The following RNF150 variants were observed in gnomAD, a reference collection of about 807,000 sequenced individuals.
RNF150 encodes ring finger protein 150.
RNF150 carries 24 observed loss-of-function variants against 39.3 expected under a neutral mutation model. The ratio of observed to expected loss-of-function variants is 0.61; its 90% CI spans 0.44 to 0.86. RNF150 has a LOEUF of 0.86. Among genes scored for constraint, RNF150 ranks in the 40% least tolerant of loss-of-function variants. The pLI is 0.00. For missense variants in RNF150, 502 were observed against 587.8 expected (o/e 0.85, Z 1.51); for synonymous variants, 255 against 227.3 (o/e 1.12, Z -1.10).
chr4:141,055,013 G>A (rs1736915335), intron 1 of RNF150, among the ~76,000 whole-genome samples: 1 of 152,098 alleles, frequency 6.6e-6, no homozygotes, highest in Non-Finnish European at 1.5e-5. Flanking sequence ...TATTATTGAG[G>A]AGCACAATTA....
At chr4:140,940,880 C>G (rs778251507) in intron 4 of RNF150, among the ~76,000 whole-genome samples, 1 of 152,160 alleles carries the variant, frequency 6.6e-6, no homozygotes, top group Non-Finnish European at 1.5e-5. Flanking sequence ...ATGGAGCAGC[C>G]ATTTTGCTGT....
intron 1 of RNF150, among the ~76,000 whole-genome samples, chr4:141,148,775 CT>C (rs1352977545): frequency 1.3e-5 from 2 of 152,022 alleles, no homozygotes; most frequent in East Asian, 1.9e-4. Context: ...GTCCCTGTTT[CT>C]TTTTTTTCCA....
chr4:140,976,068 T>C (rs1254775978), intron 1 of RNF150, among the ~76,000 whole-genome samples: 1 of 152,200 alleles, frequency 6.6e-6, no homozygotes, highest in African/African-American at 2.4e-5. Flanking sequence ...ACCTTCTTGC[T>C]TTGATTGGTT....
rs1726931333 is a variant in RNF150, at chr4:141,132,659, C to A, written c.150G>T (p.Glu50Asp). The A allele has an allele frequency of 6.2e-7, 1 of 1,603,484 alleles. No homozygotes were observed. The highest frequency in any genetic ancestry group is 8.5e-7 in the Non-Finnish European group (1 of 1,176,108). The part of the protein sequence containing the change: ...YTAFVNITYA[E>D]PAPDPGAGAA... ...CCCCGGCCCCGGGGTCCGGCGCGGG[C>A]TCGGCGTAGGTGATGTTCACGAAGG... Residue 50 changes from glutamate (E) to aspartate (D), a missense_variant, in exon 1 of 7, where the codon GAG becomes GAT. Coordinates refer to ENST00000515673, the MANE Select transcript of RNF150 (RefSeq NM_020724.2). This position sits in a 1 kb window ranked among gnomAD's most constrained non-coding sequence, Gnocchi z 4.9.
intron 1 of RNF150, among the ~76,000 whole-genome samples, chr4:141,109,362 A>G (rs781469559): frequency 6.6e-6 from 1 of 152,004 alleles, no homozygotes; most frequent in Non-Finnish European, 1.5e-5. Context: ...TGTTCTTTGT[A>G]TTAGTTGGTA....
rs556195690 is a variant in RNF150, at chr4:140,901,930, CT to C, written c.1198+9213del. Among the ~76,000 whole-genome samples the C allele has an allele frequency of 5.1e-3, 783 of 152,242 alleles. 7 individuals carry two copies. The highest frequency in any genetic ancestry group is 0.018 in the African/African-American group (742 of 41,540). On this transcript the variant is annotated intron_variant, in intron 6 of 6. Transcript: ENST00000515673. ...GAACCACAAGTGGCTTAAAATGCTT[CT>C]GTGTAAAGAGCCAGATGGGAGTGGG...
At chr4:141,142,172 T>C (rs936332515) in intron 1 of RNF150, among the ~76,000 whole-genome samples, 2 of 152,156 alleles carry the variant, frequency 1.3e-5, no homozygotes, top group Admixed American at 6.5e-5. Flanking sequence ...AGATTTTCTT[T>C]AGAAAAGGAA....
intron 2 of RNF150, among the ~76,000 whole-genome samples, chr4:140,960,898 C>G (rs951537718): frequency 2.0e-5 from 3 of 152,136 alleles, no homozygotes; most frequent in Admixed American, 6.6e-5. Context: ...TAACAACCCT[C>G]TAATAATATG....
chr4:141,175,106 T>C (rs1044582862), intron 1 of RNF150, among the ~76,000 whole-genome samples: 13 of 152,076 alleles, frequency 8.5e-5, no homozygotes, highest in African/African-American at 1.2e-4. Context: ...AGTACCAAAC[T>C]GAGAAAAAGG....
At chr4:141,151,432 A>G (rs1727297145) in intron 1 of RNF150, among the ~76,000 whole-genome samples, 1 of 88,286 alleles carries the variant, frequency 1.1e-5, no homozygotes, top group South Asian at 6.4e-4. Context: ...ACACACACAC[A>G]CACACACACA....
rs1431316322 is a variant in RNF150 at position 141,131,065 on chromosome 4, G to A, written c.484+1260C>T. 3.3e-5 allele frequency among the ~76,000 whole-genome samples: 5 copies of A among 152,252 alleles called. No individual in the cohort carries two copies. The East Asian group carries it at 7.7e-4, about 23-fold the overall frequency. ...TGTGTTAAGGTTGACAAATTTCCCT[G>A]ACTAAAACAGCTGGTGTTGATTACT... is the stretch of plus-strand genomic sequence containing the variant. On this transcript the variant is annotated intron_variant, in intron 1 of 6. Transcript: ENST00000515673.
intron 1 of RNF150, among the ~76,000 whole-genome samples, chr4:141,179,246 T>C (rs920439985): frequency 6.6e-6 from 1 of 152,202 alleles, no homozygotes. Flanking sequence ...TCTGTAAATA[T>C]GTCCTCACTG....
At chr4:141,193,049 G>A (rs1198296263) in intron 1 of RNF150, among the ~76,000 whole-genome samples, 1 of 152,112 alleles carries the variant, frequency 6.6e-6, no homozygotes, top group Non-Finnish European at 1.5e-5. Flanking sequence ...GTCATTTTAT[G>A]TCACTCTTCC....
intron 1 of RNF150, among the ~76,000 whole-genome samples, chr4:141,123,292 C>T (rs1258021364): frequency 6.6e-6 from 1 of 152,180 alleles, no homozygotes. Context: ...AAATGCCCCA[C>T]TCTTGTGGAG....
chr4:141,002,232 C>T (rs1292470256), intron 1 of RNF150, among the ~76,000 whole-genome samples: 2 of 151,420 alleles, frequency 1.3e-5, no homozygotes, highest in Non-Finnish European at 2.9e-5. Flanking sequence ...TGCTTTTTAC[C>T]AGGGTTTTCC....
intron 1 of RNF150, among the ~76,000 whole-genome samples, chr4:140,986,918 G>A (rs975486805): frequency 6.6e-6 from 1 of 152,070 alleles, no homozygotes; most frequent in Non-Finnish European, 1.5e-5. Context: ...AATGACTTCA[G>A]TAGAGTTTCA....
At chr4:140,919,499 A>C (rs1306972563) in intron 5 of RNF150, among the ~76,000 whole-genome samples, 2 of 150,128 alleles carry the variant, frequency 1.3e-5, no homozygotes, top group South Asian at 2.2e-4. Context: ...GGACCTCTTC[A>C]AGGAGAACTA....
At chr4:140,974,404 C>A (rs373257875) in intron 1 of RNF150, among the ~76,000 whole-genome samples, 1 of 152,102 alleles carries the variant, frequency 6.6e-6, no homozygotes, top group Non-Finnish European at 1.5e-5. Flanking sequence ...TTTAATTATT[C>A]GCCAATTGAT....
At chr4:140,921,808 T>C (rs980957043) in intron 5 of RNF150, among the ~76,000 whole-genome samples, 1 of 152,104 alleles carries the variant, frequency 6.6e-6, no homozygotes, top group African/African-American at 2.4e-5. Context: ...GCAAGGCTGG[T>C]TCAACATATG....
Sources: gnomAD v4.1 joint callset for allele counts (sites outside exome capture counted in the v4.1 genomes callset) on GRCh38, gnomAD v4.1.1 for gene constraint, Gnocchi (gnomAD v3.1) non-coding constraint, MANE v1.5 for transcripts, NCBI Gene and HGNC (gene_info 2026-07-23, HGNC 2026-07-21) for gene names.